Variants in GUCD1 observed in about 807,000 individuals in gnomAD.
GUCD1 encodes guanylyl cyclase domain containing 1.
Under a neutral mutation model 28.3 loss-of-function variants are expected in GUCD1, and 17 were observed. The ratio of observed to expected loss-of-function variants is 0.60; its 90% CI spans 0.41 to 0.90. The LOEUF (loss-of-function observed/expected upper bound fraction) is 0.90, where lower values mean the gene tolerates loss of function less well. Among genes scored for constraint, GUCD1 ranks in the 40% least tolerant of loss-of-function variants. GUCD1 has a pLI of 0.00. For synonymous variants in GUCD1, 129 were observed against 123.3 expected, an observed-to-expected ratio of 1.05 and a Z score of -0.30; for missense variants, 279 against 305.5, an observed-to-expected ratio of 0.91 and a Z score of 0.65.
At position 24,543,857 on chromosome 22, in the gene GUCD1, GGTTGTTGTA is replaced by G; in HGVS notation, c.604_612del (p.Tyr202_Asn204del). The stretch of plus-strand genomic sequence containing the variant: ...CAGCACTCACGGTCGGCATAGGCTG[GGTTGTTGTA>G]GAAGATGCAGCCAGTGGCCCGGTTG... On this transcript the variant is annotated inframe_deletion, in exon 5 of 6. Transcript: ENST00000435822. The G allele has an allele frequency of 1.2e-6, 2 of 1,614,042 alleles. No homozygotes were observed. The highest frequency in any genetic ancestry group is 1.7e-6 in the Non-Finnish European group (2 of 1,179,964).
In GUCD1 at chr22:24,547,891, G is replaced by T. The variant is rs1475772270; in HGVS notation, c.294+17C>A. ...TGTGTGGCCCCACATGGGAAGGCCT[G>T]GTGGCTGGTCGCTCACCTGGTTCTT... is the stretch of plus-strand genomic sequence containing the variant. On this transcript the variant is annotated intron_variant, in intron 3 of 5. Transcript: ENST00000435822. The T allele has an allele frequency of 6.2e-7, 1 of 1,613,528 alleles. No homozygotes were observed. Among genetic ancestry groups the T allele is most frequent in the African/African-American group, 1.3e-5 (1 of 75,052 alleles).
intron 3 of GUCD1, chr22:24,547,260 C>CT (rs1006421667): frequency 1.7e-5 from 8 of 479,280 alleles, no homozygotes; most frequent in African/African-American, 1.4e-4. Context: ...CTCAGGTCAG[C>CT]TCTCTGGGGA....
chr22:24,541,749 C>T lies in GUCD1; in HGVS notation c.*1257G>A, dbSNP rs1272287777. On this transcript the variant is annotated 3_prime_UTR_variant, in exon 6 of 6. Coordinates refer to ENST00000435822, the MANE Select transcript of GUCD1 (RefSeq NM_001284254.2). ...CTGGGCCAGCTGCCTCGTCAGCTGC[C>T]TCGTCTGAGAGGTGAAGGGGCAGGT... The T allele has an allele frequency of 6.6e-6, 1 of 152,196 alleles. No homozygotes were observed. Among genetic ancestry groups the T allele is most frequent in the African/African-American group, 2.4e-5 (1 of 41,440 alleles). 9.4% of individuals were successfully genotyped at this position (152,196 alleles called of 1,614,324 possible).
At position 24,547,965 on chromosome 22, in the gene GUCD1, G is replaced by A. The variant is rs369618224; in HGVS notation, c.237C>T (p.Gly79=). ...TCTGGGTACAGAAGCGGTGCCTCACGCCAAAGTGGTGCATCAGGTAGGCCA... is the reference window on the plus strand; with the variant it reads ...TCTGGGTACAGAAGCGGTGCCTCACACCAAAGTGGTGCATCAGGTAGGCCA... ...IDLAYLMHHF[G]VRHRFCTQTL... Residue 79 remains glycine (G), a synonymous_variant, in exon 3 of 6, where the codon GGC becomes GGT. Transcript: ENST00000435822. 6.2e-6 allele frequency: 10 copies of A among 1,614,050 alleles called. No individual in the cohort carries two copies. The highest frequency in any genetic ancestry group is 2.7e-5 in the African/African-American group (2 of 74,926).
intron 3 of GUCD1, 70 bp from the exon 4 acceptor site, chr22:24,547,075 TAA>T: frequency 2.5e-6 from 3 of 1,214,064 alleles, no homozygotes; most frequent in Non-Finnish European, 3.7e-6. Context: ...ATGAAGGAAA[TAA>T]AGAGCGTGTT....
chr22:24,550,879 C>G (rs111569836), intron 1 of GUCD1, among the ~76,000 whole-genome samples: 102 of 152,306 alleles, frequency 6.7e-4, no homozygotes, highest in African/African-American at 2.4e-3. Flanking sequence ...TGAGTTCACA[C>G]TTTGCCTCCT....
chr22:24,541,560 CG>C lies in GUCD1; in HGVS notation c.*1445del, dbSNP rs2044592499. On this transcript the variant is annotated 3_prime_UTR_variant, in exon 6 of 6. Coordinates refer to ENST00000435822, the MANE Select transcript of GUCD1 (RefSeq NM_001284254.2). ...AGGAGGATCGCTTGAACCCAGGAGG[CG>C]GAGGTTGTAGTAAGCCAAGATCGTG... 1 of 148,258 alleles carries C rather than the reference CG, an allele frequency of 6.7e-6. No homozygotes were observed. The highest frequency in any genetic ancestry group is 1.5e-5 in the Non-Finnish European group (1 of 67,690). 9.2% of individuals were successfully genotyped at this position (148,258 alleles called of 1,614,324 possible).
At chr22:24,553,243 C>A (rs2044931064) in intron 1 of GUCD1, among the ~76,000 whole-genome samples, 1 of 152,222 alleles carries the variant, frequency 6.6e-6, no homozygotes. Flanking sequence ...CTTTTGGCTT[C>A]CCTGGGCCAC....
intron 3 of GUCD1, among the ~76,000 whole-genome samples, chr22:24,547,556 G>A (rs922784935): frequency 2.0e-5 from 3 of 152,200 alleles, no homozygotes; most frequent in African/African-American, 4.8e-5. Flanking sequence ...AATGATGGCC[G>A]GATGAGGTCA....
intron 4 of GUCD1, among the ~76,000 whole-genome samples, chr22:24,546,229 G>A (rs1448971834): frequency 6.6e-6 from 1 of 152,184 alleles, no homozygotes; most frequent in Admixed American, 6.5e-5. Context: ...CCAAAGTGCT[G>A]GGATTACAGG....
rs2044604505 is a variant in GUCD1 at position 24,541,948 on chromosome 22, C to T, written c.*1058G>A. On this transcript the variant is annotated 3_prime_UTR_variant, in exon 6 of 6. Coordinates refer to ENST00000435822, the MANE Select transcript of GUCD1 (RefSeq NM_001284254.2). The stretch of plus-strand genomic sequence containing the variant: ...AAATCTCAAAGAAACAACCCCTGAC[C>T]CCAACCTCCCCAAAAAAGAGGAAGG... 6.6e-6 allele frequency: 1 copy of T among 152,224 alleles called. No individual in the cohort carries two copies. The highest frequency in any genetic ancestry group is 6.5e-5 in the Admixed American group (1 of 15,272). 9.4% of individuals were successfully genotyped at this position (152,224 alleles called of 1,614,324 possible).
upstream of GUCD1, chr22:24,555,779 C>T (rs1011142525): frequency 5.2e-6 from 8 of 1,550,096 alleles, no homozygotes; most frequent in African/African-American, 9.6e-5. Context: ...CTCTCTGGCT[C>T]TTTGCCGGCC....
chr22:24,551,602 G>A (rs1028420608), intron 1 of GUCD1, among the ~76,000 whole-genome samples: 10 of 152,130 alleles, frequency 6.6e-5, no homozygotes, highest in Middle Eastern at 3.2e-3. Context: ...ACTCTCTCCC[G>A]GCTGCTGTTC....
intron 1 of GUCD1, among the ~76,000 whole-genome samples, chr22:24,552,288 CT>C (rs1181452694): frequency 2.0e-5 from 3 of 152,062 alleles, no homozygotes; most frequent in African/African-American, 7.2e-5. Flanking sequence ...ATAGTGAGAC[CT>C]CCATCTCCAA....
chr22:24,549,104 G>T, intron 1 of GUCD1, 103 bp from the exon 2 acceptor site: 1 of 741,120 alleles, frequency 1.3e-6, no homozygotes, highest in Non-Finnish European at 2.3e-6. Context: ...CCCTGCAGGG[G>T]CTGCTCAGGG....
chr22:24,548,571 C>G (rs745965143), intron 2 of GUCD1, among the ~76,000 whole-genome samples: 2 of 152,216 alleles, frequency 1.3e-5, no homozygotes, highest in Non-Finnish European at 2.9e-5. Context: ...GATATTCACA[C>G]AGCCTCAGCT....
chr22:24,540,530 G>C lies in GUCD1; in HGVS notation c.*2476C>G, dbSNP rs146838757. 6.6e-6 allele frequency: 1 copy of C among 152,190 alleles called. No individual in the cohort carries two copies. The highest frequency in any genetic ancestry group is 6.5e-5 in the Admixed American group (1 of 15,282). 9.4% of individuals were successfully genotyped at this position (152,190 alleles called of 1,614,324 possible). A position where few individuals can be genotyped will look rare whatever the true frequency, so the allele number is the denominator to read the frequency against. ...AATGCAAAAGATCCCTTTCATCCCC[G>C]TGGCTAGAATGAACAAAGCCCAACT... On this transcript the variant is annotated 3_prime_UTR_variant, in exon 6 of 6. Coordinates refer to ENST00000435822, the MANE Select transcript of GUCD1 (RefSeq NM_001284254.2).
chr22:24,543,705 G>C, intron 5 of GUCD1, 137 bp downstream of exon 5: 1 of 1,126,716 alleles, frequency 8.9e-7, no homozygotes, highest in East Asian at 2.6e-5. Flanking sequence ...GAGCCCAGGA[G>C]GAGCAGGGGC....
At position 24,555,038 on chromosome 22, in the gene GUCD1, A is replaced by G. The variant is rs773219955; in HGVS notation, c.-47T>C. ...CCATGGCCCCGGCCCAGAGCGGGCT[A>G]CAGCTTCCGCTTCGGCTGGGGCGGG... On this transcript the variant is annotated 5_prime_UTR_variant, in exon 1 of 6. Coordinates refer to ENST00000435822, the MANE Select transcript of GUCD1 (RefSeq NM_001284254.2). 10 of 1,399,414 alleles carry G rather than the reference A, an allele frequency of 7.1e-6. No individual in the cohort carries two copies. The highest frequency in any genetic ancestry group is 9.3e-6 in the Non-Finnish European group (10 of 1,074,600). 86.7% of individuals were successfully genotyped at this position (1,399,414 alleles called of 1,614,324 possible). A position where few individuals can be genotyped will look rare whatever the true frequency, so the allele number is the denominator to read the frequency against.
Sources: allele counts gnomAD v4.1 joint callset (sites outside exome capture counted in the v4.1 genomes callset), GRCh38; gene constraint gnomAD v4.1.1; transcripts MANE v1.5; gene names NCBI Gene and HGNC (gene_info 2026-07-23, HGNC 2026-07-21).